ACACB: variants seen among roughly 807,000 people sequenced by gnomAD.
The protein encoded by ACACB is acetyl-CoA carboxylase 2.
ACACB carries 209 observed loss-of-function variants against 278.8 expected under a neutral mutation model. That is an observed-to-expected ratio of 0.75 (90% CI 0.67 to 0.84). The LOEUF is 0.84. ACACB is among the 40% of genes least tolerant of loss of function. The probability of loss-of-function intolerance (pLI) is 0.00; values close to 1 mark genes in which losing one functional copy is unlikely to be tolerated. For synonymous variants in ACACB, 1,174 were observed against 1,285.6 expected (o/e 0.91, Z 1.86); for missense variants, 2,850 against 3,269.0 (o/e 0.87, Z 3.13).
At chr12:109,205,791 TA>T (rs2045485959) in intron 19 of ACACB, among the ~76,000 whole-genome samples, 3 of 151,514 alleles carry the variant, frequency 2.0e-5, no homozygotes. Flanking sequence ...CCTGCAGGGC[TA>T]GGGGTGGGGA....
intron 34 of ACACB, 134 bp downstream of exon 34, chr12:109,237,514 A>G: frequency 1.1e-6 from 1 of 941,684 alleles, no homozygotes. Context: ...TGCCCTTGCT[A>G]TGCTCCAGTC....
chr12:109,145,481 G>GTATCTA (rs1202169444), intron 2 of ACACB, among the ~76,000 whole-genome samples: 1 of 151,922 alleles, frequency 6.6e-6, no homozygotes, highest in Non-Finnish European at 1.5e-5. Context: ...CAAATCTCCA[G>GTATCTA]TATCTATTAT....
intron 1 of ACACB, among the ~76,000 whole-genome samples, chr12:109,120,878 T>G (rs1047529517): frequency 3.3e-5 from 5 of 152,202 alleles, no homozygotes; most frequent in Admixed American, 1.3e-4. Context: ...TTTAAAGAGA[T>G]AACACACACA....
At chr12:109,170,806 C>T (rs1427951059) in intron 4 of ACACB, among the ~76,000 whole-genome samples, 1 of 150,420 alleles carries the variant, frequency 6.6e-6, no homozygotes, top group African/African-American at 2.4e-5. Context: ...TTTTTTTTTA[C>T]CATAATTTAA....
rs1363804152 is a variant in ACACB, at chr12:109,209,344, C to CA, written c.3241dup (p.Ser1081LysfsTer20). ...TCACCTCGGTGCTGTGCCAGTTCCC[C>CA]AGCCAGCAGGTGCGTGCTCCCCTGC... On this transcript the variant is annotated frameshift_variant, in exon 21 of 53. Transcript: ENST00000338432. LOFTEE classifies it high-confidence loss of function. 1 of 1,609,790 alleles carries CA rather than the reference C, an allele frequency of 6.2e-7. No individual in the cohort carries two copies. The highest frequency in any genetic ancestry group is 1.7e-5 in the Admixed American group (1 of 59,886).
rs372216302 is a variant in ACACB, at chr12:109,222,920, C to T, written c.3792+8C>T. The T allele has an allele frequency of 4.0e-5, 64 of 1,588,036 alleles. No individual in the cohort carries two copies. The Admixed American group carries it at 4.7e-4, about 12-fold the overall frequency. On this transcript the variant is annotated splice_region_variant and intron_variant, in intron 26 of 52. Coordinates refer to ENST00000338432, the MANE Select transcript of ACACB (RefSeq NM_001093.4). ...TGCCCCGAGAACCTCAAGGTGAGCC[C>T]GTCTCCTTCCTTTCACCATCTGCAG... is the stretch of plus-strand genomic sequence containing the variant.
At chr12:109,165,272 G>A (rs1381806169) in intron 2 of ACACB, among the ~76,000 whole-genome samples, 1 of 152,150 alleles carries the variant, frequency 6.6e-6, no homozygotes, top group Non-Finnish European at 1.5e-5. Context: ...GGGCCTAGAG[G>A]ACAGCCAGTA....
rs1593386710 is a variant in ACACB, at chr12:109,139,964, T to C, written c.559T>C (p.Ser187Pro). 6.2e-7 allele frequency: 1 copy of C among 1,613,968 alleles called. No individual in the cohort carries two copies. The change falls in exon 2 of 53, where the codon TCT becomes CCT. Residue 187 changes from serine (S) to proline (P), a missense_variant. Coordinates refer to ENST00000338432, the MANE Select transcript of ACACB (RefSeq NM_001093.4). ...CTCTGTTGCTGGCTCATCTCGTGAG[T>C]CTACCCGGAAGGGCAGCCGGGCCAG... is the stretch of plus-strand genomic sequence containing the variant. ...EDSVAGSSRE[S>P]TRKGSRASLG...
intron 20 of ACACB, among the ~76,000 whole-genome samples, chr12:109,207,083 G>A (rs775176800): frequency 2.0e-5 from 3 of 152,094 alleles, no homozygotes; most frequent in Non-Finnish European, 2.9e-5. Flanking sequence ...AGCCTCCCAC[G>A]TAGCTGGGAC....
chr12:109,182,552 T>C (rs1376304262), intron 11 of ACACB, among the ~76,000 whole-genome samples: 4 of 152,062 alleles, frequency 2.6e-5, no homozygotes, highest in Non-Finnish European at 5.9e-5. Context: ...AAATTTTTTG[T>C]ACAGATAAGG....
intron 11 of ACACB, among the ~76,000 whole-genome samples, chr12:109,181,284 G>A (rs573061399): frequency 2.7e-5 from 4 of 146,316 alleles, no homozygotes; most frequent in Non-Finnish European, 4.5e-5. Flanking sequence ...CTGGAGTGTA[G>A]TGGTGCAATC....
rs778629713 is a variant in ACACB, at chr12:109,185,672, C to A, written c.1912C>A (p.Pro638Thr). 1 of 1,613,794 alleles carries A rather than the reference C, an allele frequency of 6.2e-7. No homozygotes were observed. The highest frequency in any genetic ancestry group is 1.7e-5 in the Admixed American group (1 of 59,974). The change falls in exon 12 of 53, where the codon CCC (proline) becomes ACC (threonine). Residue 638 changes from proline to threonine, a missense_variant. This residue lies in a region of ACACB where 2,265 missense variants were observed against 2,561.3 expected (regional missense o/e 0.88). Coordinates refer to ENST00000338432, the MANE Select transcript of ACACB (RefSeq NM_001093.4). Reference sequence around the variant, plus strand: ...AGTGACTCCCATTTCTTTTGAAACCCCCTCAAACCCTCCCCTCGCCCGAGG... The same window carrying A: ...AGTGACTCCCATTTCTTTTGAAACCACCTCAAACCCTCCCCTCGCCCGAGG... ...WGVTPISFET[P>T]SNPPLARGHV...
At position 109,167,983 on chromosome 12, in the gene ACACB, G is replaced by T. The variant is rs747227529; in HGVS notation, c.874G>T (p.Ala292Ser). ...WAYEMFRNERAIRFVVMVTPE... is the reference protein window; with the variant it reads ...WAYEMFRNERSIRFVVMVTPE... The stretch of plus-strand genomic sequence containing the variant: ...CTATGAGATGTTCCGCAACGAGCGG[G>T]CCATCCGGTTTGTTGTGATGGTGAC... Residue 292 changes from alanine to serine, a missense_variant, in exon 4 of 53, where the codon GCC (alanine) becomes TCC (serine). This residue lies in a region of ACACB where 2,265 missense variants were observed against 2,561.3 expected (regional missense o/e 0.88). Transcript: ENST00000338432. 1.9e-6 allele frequency: 3 copies of T among 1,613,772 alleles called. No individual in the cohort carries two copies. Among genetic ancestry groups the T allele is most frequent in the Non-Finnish European group, 2.5e-6 (3 of 1,179,942 alleles).
chr12:109,242,537 A>G lies in ACACB; in HGVS notation c.5123A>G (p.Gln1708Arg), dbSNP rs777619662. The G allele has an allele frequency of 2.5e-6, 4 of 1,614,132 alleles. No homozygotes were observed. The highest frequency in any genetic ancestry group is 3.4e-6 in the Non-Finnish European group (4 of 1,180,008). The change falls in exon 37 of 53, where the codon CAG becomes CGG. Residue 1708 changes from glutamine (Q) to arginine (R), a missense_variant. Transcript: ENST00000338432. ...TKDLLQAKRF[Q>R]AQTLGTTYIY... ...GATCTGCTCCAGGCCAAGCGATTCC[A>G]GGCCCAGACCCTGGGAACCACCTAC...
intron 11 of ACACB, among the ~76,000 whole-genome samples, chr12:109,183,974 C>T (rs564951527): frequency 3.3e-5 from 5 of 151,936 alleles, no homozygotes; most frequent in Admixed American, 6.6e-5. Flanking sequence ...AATACCCATA[C>T]GCCCTGCATA....
chr12:109,231,767 G>C (rs1035441208), intron 28 of ACACB, among the ~76,000 whole-genome samples: 1 of 152,222 alleles, frequency 6.6e-6, no homozygotes, highest in Non-Finnish European at 1.5e-5. Flanking sequence ...CACGCAGGGT[G>C]CACTTCATTC....
intron 12 of ACACB, among the ~76,000 whole-genome samples, chr12:109,185,998 T>C (rs2044649086): frequency 1.3e-5 from 2 of 152,180 alleles, no homozygotes; most frequent in South Asian, 4.1e-4. Context: ...TGGCGCAATC[T>C]TGGCTCACTA....
intron 27 of ACACB, among the ~76,000 whole-genome samples, chr12:109,227,004 G>A (rs1282353958): frequency 6.6e-6 from 1 of 151,610 alleles, no homozygotes; most frequent in Non-Finnish European, 1.5e-5. Context: ...AGGCTGAAGT[G>A]CAGTGGTGCT....
At chr12:109,130,711 G>A (rs2042802589) in intron 1 of ACACB, among the ~76,000 whole-genome samples, 1 of 152,168 alleles carries the variant, frequency 6.6e-6, no homozygotes, top group Admixed American at 6.5e-5. Context: ...TTACGCCCCA[G>A]CAGCCACACT....
Sources: allele counts gnomAD v4.1 joint callset (sites outside exome capture counted in the v4.1 genomes callset), GRCh38; gene constraint gnomAD v4.1.1; regional missense constraint gnomAD v4.1.1; transcripts MANE v1.5; gene names NCBI Gene and HGNC (gene_info 2026-07-23, HGNC 2026-07-21).